Variants in PIAS2 observed in about 807,000 individuals in gnomAD.
The protein encoded by PIAS2 is E3 SUMO-protein ligase PIAS2.
In PIAS2, 19 loss-of-function variants were observed where a neutral mutation model predicts 69.7. The observed-to-expected ratio is 0.27, with a 90% CI of 0.19 to 0.40. PIAS2 has a LOEUF of 0.40. Ranked by LOEUF, PIAS2 falls within the 10% of genes least tolerant of loss-of-function variation. The pLI, the probability that PIAS2 is intolerant of heterozygous loss-of-function variation, is 1.00. For synonymous variants in PIAS2, 261 were observed against 263.2 expected (o/e 0.99, Z 0.08); for missense variants, 624 against 757.0 (o/e 0.82, Z 2.06).
At chr18:46,872,977 G>T (rs1399358933) in intron 2 of PIAS2, among the ~76,000 whole-genome samples, 1 of 152,092 alleles carries the variant, frequency 6.6e-6, no homozygotes, top group East Asian at 1.9e-4. Flanking sequence ...CAAACAAGGG[G>T]GTAGCTTTAG....
intron 11 of PIAS2, among the ~76,000 whole-genome samples, chr18:46,826,226 T>C (rs578148968): frequency 9.2e-5 from 14 of 152,364 alleles, no homozygotes; most frequent in Non-Finnish European, 1.6e-4. Flanking sequence ...TTTATCTCTA[T>C]AGTAGCTGAT....
chr18:46,836,252 G>A (rs2044411097), intron 9 of PIAS2, 105 bp downstream of exon 9: 3 of 815,908 alleles, frequency 3.7e-6, no homozygotes, highest in South Asian at 3.5e-5. Flanking sequence ...ATTTATGCTA[G>A]AGTAGAATTT....
rs180680411 is a variant in PIAS2 at position 46,871,406 on chromosome 18, G to A, written c.500-7158C>T. Reference sequence around the variant, plus strand: ...GTCCTCACATGCTAAACCATATAAAGGACATAGAGAGACAAGACCAGGTAA... The same window carrying A: ...GTCCTCACATGCTAAACCATATAAAAGACATAGAGAGACAAGACCAGGTAA... On this transcript the variant is annotated intron_variant, in intron 2 of 13. Coordinates refer to ENST00000585916, the MANE Select transcript of PIAS2 (RefSeq NM_004671.5). Among the ~76,000 whole-genome samples, 6 of 152,286 alleles carry A rather than the reference G, an allele frequency of 3.9e-5. No homozygotes were observed. In the East Asian group the frequency reaches 9.6e-4, roughly 24 times the overall value.
intron 1 of PIAS2, among the ~76,000 whole-genome samples, chr18:46,897,372 G>GAA (rs1271702767): frequency 1.3e-5 from 2 of 152,140 alleles, no homozygotes; most frequent in Non-Finnish European, 2.9e-5. Flanking sequence ...AAAGATCACG[G>GAA]GGCCTTGTCA....
intron 12 of PIAS2, chr18:46,816,519 C>T: frequency 1.1e-6 from 1 of 880,526 alleles, no homozygotes. Context: ...GCTCTGTTGC[C>T]CAGGCTGGAG....
At chr18:46,887,616 AAAT>A (rs1353455107) in intron 2 of PIAS2, among the ~76,000 whole-genome samples, 1 of 152,248 alleles carries the variant, frequency 6.6e-6, no homozygotes, top group Admixed American at 6.5e-5. Flanking sequence ...GATGGGCATT[AAAT>A]AAAAGCTAAA....
chr18:46,854,319 C>T (rs956856469), intron 5 of PIAS2, among the ~76,000 whole-genome samples: 1 of 152,330 alleles, frequency 6.6e-6, no homozygotes, highest in East Asian at 1.9e-4. Context: ...GGATATTACA[C>T]AGCTTCCCCA....
chr18:46,824,356 G>A (rs981305425), intron 11 of PIAS2, among the ~76,000 whole-genome samples: 5 of 152,114 alleles, frequency 3.3e-5, no homozygotes, highest in African/African-American at 1.2e-4. Context: ...TATCAATCTG[G>A]AGACATATAG....
intron 5 of PIAS2, among the ~76,000 whole-genome samples, chr18:46,848,417 G>A (rs2046461074): frequency 1.3e-5 from 2 of 152,180 alleles, no homozygotes; most frequent in South Asian, 4.1e-4. Flanking sequence ...AGTTGCACAG[G>A]TGCAGGCAAT....
chr18:46,901,614 T>C (rs1170273870), intron 1 of PIAS2, among the ~76,000 whole-genome samples: 1 of 152,208 alleles, frequency 6.6e-6, no homozygotes, highest in African/African-American at 2.4e-5. Flanking sequence ...CTGTGTCTTA[T>C]CTCTGTATTT....
At chr18:46,816,131 A>G in intron 12 of PIAS2, 1 of 984,884 alleles carries the variant, frequency 1.0e-6, no homozygotes, top group South Asian at 4.7e-5. Context: ...ATTTCAAAAC[A>G]TTAAAAAAGA....
chr18:46,822,471 T>C (rs1479879166), intron 11 of PIAS2, among the ~76,000 whole-genome samples: 1 of 152,308 alleles, frequency 6.6e-6, no homozygotes, highest in East Asian at 1.9e-4. Flanking sequence ...ACCACATGTC[T>C]GTAGGTTAGA....
intron 1 of PIAS2, 181 bp downstream of exon 1, chr18:46,917,141 G>C: frequency 1.4e-5 from 14 of 1,022,538 alleles, no homozygotes; most frequent in Non-Finnish European, 1.7e-5. Context: ...CCGCCCGCGT[G>C]CCCTCCGCCG....
intron 2 of PIAS2, among the ~76,000 whole-genome samples, chr18:46,880,018 G>C (rs1187769743): frequency 6.6e-6 from 1 of 150,936 alleles, no homozygotes; most frequent in South Asian, 2.1e-4. Context: ...GGCAGCGATG[G>C]TTCCAACAAT....
intron 1 of PIAS2, among the ~76,000 whole-genome samples, chr18:46,916,634 G>A (rs771599210): frequency 1.3e-5 from 2 of 152,032 alleles, no homozygotes; most frequent in Non-Finnish European, 2.9e-5. Flanking sequence ...AGACTGAGAA[G>A]AAAAAAATAT....
chr18:46,855,481 C>T, intron 4 of PIAS2, 46 bp from the exon 5 acceptor site: 1 of 1,573,970 alleles, frequency 6.4e-7, no homozygotes, highest in South Asian at 1.1e-5. Flanking sequence ...TGTGCTCAAA[C>T]ATTCTTATAT....
At chr18:46,840,677 C>A (rs371104300) in intron 8 of PIAS2, among the ~76,000 whole-genome samples, 2 of 152,228 alleles carry the variant, frequency 1.3e-5, no homozygotes, top group East Asian at 3.9e-4. Context: ...GAATTTGTTA[C>A]CAGCTAGCAA....
At chr18:46,817,467 T>A in intron 12 of PIAS2, 1 of 956,138 alleles carries the variant, frequency 1.0e-6, no homozygotes, top group Non-Finnish European at 1.2e-6. Flanking sequence ...CCTATTTTTG[T>A]TATTTCAATT....
At chr18:46,838,439 A>T (rs1306435689) in intron 8 of PIAS2, among the ~76,000 whole-genome samples, 2 of 152,216 alleles carry the variant, frequency 1.3e-5, no homozygotes, top group Non-Finnish European at 2.9e-5. Context: ...CCAGCCCTGC[A>T]GAGTCCACTC....
Sources: gnomAD v4.1 joint callset for allele counts (sites outside exome capture counted in the v4.1 genomes callset) on GRCh38, gnomAD v4.1.1 for gene constraint, MANE v1.5 for transcripts, NCBI Gene and HGNC (gene_info 2026-07-23, HGNC 2026-07-21) for gene names.